KCNIP1: variants seen among roughly 807,000 people sequenced by gnomAD.
KCNIP1 encodes the protein potassium voltage-gated channel interacting protein 1.
A neutral mutation model predicts 33.0 loss-of-function variants in KCNIP1; 18 were observed. That is an observed-to-expected ratio of 0.55 (90% CI 0.38 to 0.81). The LOEUF (loss-of-function observed/expected upper bound fraction) is 0.81. Ranked by LOEUF, KCNIP1 falls within the 30% of genes least tolerant of loss-of-function variation. KCNIP1 has a pLI of 0.00. For missense variants in KCNIP1, 238 were observed against 271.6 expected (o/e 0.88, Z 0.87); for synonymous variants, 93 against 98.3 (o/e 0.95, Z 0.32).
At position 170,472,873 on chromosome 5, in the gene KCNIP1, A is replaced by T. The variant is rs552439668; in HGVS notation, c.88+118909A>T. Among the ~76,000 whole-genome samples, 34 of 152,270 alleles carry T rather than the reference A, an allele frequency of 2.2e-4. No homozygotes were observed. The South Asian group carries it at 6.8e-3, about 31-fold the overall frequency. On this transcript the variant is annotated intron_variant, in intron 1 of 7. Coordinates refer to the KCNIP1 transcript ENST00000377360. ...CGGTTCCACGATTTTGCAATTGCGA[A>T]TTGTGCTGCTATAAACATGTGTGTG...
Position 170,363,047 on chromosome 5 carries a change from G to A in KCNIP1, c.88+9083G>A, listed in dbSNP as rs1253655985. Among the ~76,000 whole-genome samples the A allele has an allele frequency of 2.0e-5, 3 of 152,214 alleles. No homozygotes were observed. In the East Asian group the frequency reaches 5.8e-4, roughly 29 times the overall value. On this transcript the variant is annotated intron_variant, in intron 1 of 7. Coordinates refer to the KCNIP1 transcript ENST00000377360. ...AACGCAACAGGAAACATGAGGGGAA[G>A]GGCCATCGCCATCCTCTGTTGAGTG...
intron 1 of KCNIP1, among the ~76,000 whole-genome samples, chr5:170,563,008 T>C (rs1757087860): frequency 6.6e-6 from 1 of 152,166 alleles, no homozygotes; most frequent in African/African-American, 2.4e-5. Context: ...AAGAGGCATT[T>C]CTCCTCCTCA....
rs142095983 is a variant in KCNIP1 at position 170,511,394 on chromosome 5, C to T, written c.61+6761C>T. ...CTGCCTTGCTCCACTTGGATGATGA[C>T]GGTGTTACCCTTGGTAATCTCCCCA... On this transcript the variant is annotated intron_variant, in intron 1 of 7. Transcript: ENST00000328939. 2.6e-3 allele frequency among the ~76,000 whole-genome samples: 392 copies of T among 152,280 alleles called. 2 individuals are homozygous for T. Among genetic ancestry groups the T allele is most frequent in the Non-Finnish European group, 3.9e-3 (267 of 68,032 alleles).
chr5:170,721,991 A>C, intron 4 of KCNIP1, 88 bp downstream of exon 4: 1 of 1,463,420 alleles, frequency 6.8e-7, no homozygotes, highest in Non-Finnish European at 9.5e-7. Flanking sequence ...GAAGGTCTGG[A>C]CCATCAAAAG....
chr5:170,430,025 C>A (rs1288314652), intron 1 of KCNIP1, among the ~76,000 whole-genome samples: 4 of 152,172 alleles, frequency 2.6e-5, no homozygotes, highest in Non-Finnish European at 4.4e-5. Context: ...ACTGATGTCC[C>A]CACAGATTTC....
At chr5:170,672,462 C>T (rs4868012) in intron 1 of KCNIP1, among the ~76,000 whole-genome samples, 63,296 of 152,202 alleles carry the variant, frequency 0.42, 13,927 homozygotes, top group East Asian at 0.6. Context: ...AGAATCCAAA[C>T]GCTTCCAAAG....
chr5:170,430,269 C>A (rs1365611779), intron 1 of KCNIP1, among the ~76,000 whole-genome samples: 1 of 152,204 alleles, frequency 6.6e-6, no homozygotes, highest in Non-Finnish European at 1.5e-5. Context: ...CATGCCAGTG[C>A]ATGCTGAAGG....
chr5:170,596,003 G>A (rs1389708143), intron 1 of KCNIP1, among the ~76,000 whole-genome samples: 2 of 152,194 alleles, frequency 1.3e-5, no homozygotes, highest in East Asian at 3.8e-4. Context: ...GCACAGCAGA[G>A]CTTCCAGCAA....
chr5:170,434,217 GAAGATT>G (rs1413469360), intron 1 of KCNIP1, among the ~76,000 whole-genome samples: 2 of 152,050 alleles, frequency 1.3e-5, no homozygotes, highest in Non-Finnish European at 2.9e-5. Flanking sequence ...AGTTTCTTAT[GAAGATT>G]AAGTATGTAT....
At chr5:170,548,179 C>G (rs1756485353) in intron 1 of KCNIP1, among the ~76,000 whole-genome samples, 1 of 152,152 alleles carries the variant, frequency 6.6e-6, no homozygotes, top group African/African-American at 2.4e-5. Context: ...TTCAAATCTG[C>G]TAAGACATTT....
At chr5:170,602,890 T>C (rs1758749250) in intron 1 of KCNIP1, among the ~76,000 whole-genome samples, 1 of 152,222 alleles carries the variant, frequency 6.6e-6, no homozygotes, top group Non-Finnish European at 1.5e-5. Context: ...CTGATTCCAC[T>C]GCATGTGGTC....
At chr5:170,517,033 A>G (rs949363029) in intron 1 of KCNIP1, among the ~76,000 whole-genome samples, 1 of 151,970 alleles carries the variant, frequency 6.6e-6, no homozygotes, top group Non-Finnish European at 1.5e-5. Context: ...TATATTATGG[A>G]TGTGTGAGTC....
intron 1 of KCNIP1, among the ~76,000 whole-genome samples, chr5:170,577,282 G>A (rs1426408252): frequency 6.6e-6 from 1 of 152,208 alleles, no homozygotes; most frequent in African/African-American, 2.4e-5. Flanking sequence ...GTTCTGAAGG[G>A]AACTGAAGAA....
chr5:170,430,840 C>T (rs1178631694), intron 1 of KCNIP1, among the ~76,000 whole-genome samples: 1 of 152,206 alleles, frequency 6.6e-6, no homozygotes, highest in Non-Finnish European at 1.5e-5. Context: ...TATTACTGAT[C>T]TCAGCCCTTC....
intron 1 of KCNIP1, among the ~76,000 whole-genome samples, chr5:170,640,819 G>C (rs1760515472): frequency 6.6e-6 from 1 of 152,132 alleles, no homozygotes; most frequent in Admixed American, 6.5e-5. Flanking sequence ...TCTTGCAAGG[G>C]GGGACACCTC....
chr5:170,658,986 A>G (rs1277665224), intron 1 of KCNIP1, among the ~76,000 whole-genome samples: 4 of 152,088 alleles, frequency 2.6e-5, no homozygotes, highest in African/African-American at 7.2e-5. Context: ...CATGGGGCCT[A>G]TGGTTTGTGA....
chr5:170,564,732 A>AT (rs1441863591), intron 1 of KCNIP1, among the ~76,000 whole-genome samples: 10 of 151,770 alleles, frequency 6.6e-5, no homozygotes, highest in African/African-American at 1.2e-4. Flanking sequence ...TGGTTTGTCA[A>AT]TTTTTTTTTA....
At chr5:170,649,945 T>A (rs1344116127) in intron 1 of KCNIP1, among the ~76,000 whole-genome samples, 6 of 151,848 alleles carry the variant, frequency 4.0e-5, no homozygotes, top group Non-Finnish European at 8.8e-5. Flanking sequence ...TGGGGGTAAG[T>A]AAGAGAAAGA....
At chr5:170,654,123 G>T (rs1300441820) in intron 1 of KCNIP1, among the ~76,000 whole-genome samples, 5 of 152,072 alleles carry the variant, frequency 3.3e-5, no homozygotes, top group Non-Finnish European at 2.9e-5. Context: ...GCCAAGCCTT[G>T]CCCTTCTTCA....
Sources: gnomAD v4.1 joint callset for allele counts (sites outside exome capture counted in the v4.1 genomes callset) on GRCh38, gnomAD v4.1.1 for gene constraint, MANE v1.5 for transcripts, NCBI Gene and HGNC (gene_info 2026-07-23, HGNC 2026-07-21) for gene names.